Variants in SDK1 observed in about 807,000 individuals in gnomAD.
SDK1 encodes the protein protein sidekick-1.
Under a neutral mutation model 245.5 loss-of-function variants are expected in SDK1, and 157 were observed. The observed-to-expected ratio is 0.64, with a 90% confidence interval of 0.56 to 0.73. The LOEUF is 0.73. SDK1 is among the 30% of genes least tolerant of loss of function. SDK1 has a pLI of 0.00. For synonymous variants in SDK1, 1,647 were observed against 1,278.5 expected (o/e 1.29, Z -6.15); for missense variants, 3,583 against 3,002.3 (o/e 1.19, Z -4.52).
rs777543345 is a variant in SDK1, at chr7:4,245,719, G to A, written c.6295G>A (p.Glu2099Lys). The change falls in exon 44 of 45, where the codon GAG becomes AAG. Residue 2099 changes from glutamate to lysine, a missense_variant. Transcript: ENST00000404826. ...PSPGGLHYSD[E>K]DICNKYNGAV... Reference sequence around the variant, plus strand: ...CCCCGGCGGCCTGCACTACTCAGACGAGGACATCTGCAACAAGTACAACGG... The same window carrying A: ...CCCCGGCGGCCTGCACTACTCAGACAAGGACATCTGCAACAAGTACAACGG... 5.6e-6 allele frequency: 9 copies of A among 1,614,066 alleles called. No homozygotes were observed. Among genetic ancestry groups the A allele is most frequent in the South Asian group, 3.3e-5 (3 of 91,084 alleles).
intron 22 of SDK1, among the ~76,000 whole-genome samples, chr7:4,088,091 C>T (rs1781542086): frequency 6.6e-6 from 1 of 152,150 alleles, no homozygotes. Context: ...GTTGGATTAC[C>T]TGCCGAGGTC....
At chr7:3,393,073 C>T (rs537262520) in intron 1 of SDK1, among the ~76,000 whole-genome samples, 80 of 141,576 alleles carry the variant, frequency 5.7e-4, no homozygotes, top group African/African-American at 1.9e-3. Flanking sequence ...TAGGTTCAAG[C>T]GATTGTCCTG....
At chr7:3,967,500 T>C in intron 10 of SDK1, 66 bp downstream of exon 10, 1 of 939,060 alleles carries the variant, frequency 1.1e-6, no homozygotes, top group African/African-American at 1.6e-5. Flanking sequence ...GGCCAGTGCT[T>C]GCTTCTTATT....
chr7:3,871,370 A>T (rs1780951906), intron 5 of SDK1, among the ~76,000 whole-genome samples: 1 of 152,136 alleles, frequency 6.6e-6, no homozygotes, highest in African/African-American at 2.4e-5. Context: ...GAATAGAGAG[A>T]ATTGTATTTC....
intron 4 of SDK1, among the ~76,000 whole-genome samples, chr7:3,805,729 C>T (rs1041234727): frequency 2.6e-5 from 4 of 152,044 alleles, no homozygotes; most frequent in Non-Finnish European, 5.9e-5. Context: ...ACATCTAGTG[C>T]TAGTCTTTGC....
intron 1 of SDK1, among the ~76,000 whole-genome samples, chr7:3,552,450 G>GT (rs1267336940): frequency 6.6e-6 from 1 of 152,130 alleles, no homozygotes; most frequent in African/African-American, 2.4e-5. Context: ...GAGGCTACTA[G>GT]TTTCTCACCT....
At chr7:3,678,463 C>G (rs1783977790) in intron 4 of SDK1, among the ~76,000 whole-genome samples, 1 of 152,206 alleles carries the variant, frequency 6.6e-6, no homozygotes, top group Non-Finnish European at 1.5e-5. Context: ...TTGAAAAATG[C>G]TGCATCACGT....
At chr7:3,713,173 A>T (rs895141245) in intron 4 of SDK1, among the ~76,000 whole-genome samples, 2 of 152,208 alleles carry the variant, frequency 1.3e-5, no homozygotes, top group African/African-American at 4.8e-5. Flanking sequence ...CACTTCCTTC[A>T]AAGCTGAGTC....
chr7:3,867,917 T>G (rs1252355725), intron 5 of SDK1, among the ~76,000 whole-genome samples: 2 of 152,160 alleles, frequency 1.3e-5, no homozygotes, highest in African/African-American at 4.8e-5. Context: ...AAGAAATAAA[T>G]ATCATTTCTG....
At chr7:3,502,774 A>G (rs1245601240) in intron 1 of SDK1, among the ~76,000 whole-genome samples, 1 of 152,204 alleles carries the variant, frequency 6.6e-6, no homozygotes, top group Admixed American at 6.5e-5. Flanking sequence ...AGGCTAATTA[A>G]CAACACATTT....
intron 32 of SDK1, among the ~76,000 whole-genome samples, chr7:4,167,104 A>C (rs1311570011): frequency 6.6e-6 from 1 of 152,136 alleles, no homozygotes; most frequent in Non-Finnish European, 1.5e-5. Context: ...GGTCATTTGC[A>C]TTTAAACAGG....
intron 17 of SDK1, among the ~76,000 whole-genome samples, chr7:4,023,846 G>A (rs1350534919): frequency 6.6e-6 from 1 of 152,226 alleles, no homozygotes; most frequent in Non-Finnish European, 1.5e-5. Flanking sequence ...GAAGTTTTCA[G>A]GTGAACCTGA....
Position 3,443,532 on chromosome 7 carries a change from T to C in SDK1, c.298+141648T>C, listed in dbSNP as rs977082705. Among the ~76,000 whole-genome samples the C allele has an allele frequency of 4.6e-5, 7 of 152,194 alleles. No individual in the cohort carries two copies. The East Asian group carries it at 1.3e-3, about 29-fold the overall frequency. On this transcript the variant is annotated intron_variant, in intron 1 of 44. Coordinates refer to ENST00000404826, the MANE Select transcript of SDK1 (RefSeq NM_152744.4). The stretch of plus-strand genomic sequence containing the variant: ...GATGTGATCTGATTTTGTCACTAAC[T>C]GCTTATTAATGAAGGAGATGATGAC...
At chr7:3,637,987 T>C (rs183029741) in intron 2 of SDK1, among the ~76,000 whole-genome samples, 52 of 152,372 alleles carry the variant, frequency 3.4e-4, no homozygotes, top group Non-Finnish European at 6.3e-4. Context: ...TTGCCAGTTC[T>C]AGGAATCTTT....
chr7:3,601,107 T>A (rs1044604334), intron 1 of SDK1, among the ~76,000 whole-genome samples: 4 of 152,194 alleles, frequency 2.6e-5, no homozygotes, highest in African/African-American at 9.6e-5. Context: ...TTTAATACAT[T>A]ACTGGATTTC....
At chr7:4,105,707 C>A (rs1403233947) in intron 22 of SDK1, among the ~76,000 whole-genome samples, 1 of 152,212 alleles carries the variant, frequency 6.6e-6, no homozygotes, top group Non-Finnish European at 1.5e-5. Flanking sequence ...TAGATTCTGG[C>A]AGCCTGGCAG....
intron 1 of SDK1, among the ~76,000 whole-genome samples, chr7:3,537,955 C>A (rs974432782): frequency 6.6e-6 from 1 of 152,174 alleles, no homozygotes; most frequent in Non-Finnish European, 1.5e-5. Flanking sequence ...CAGTGCTCCT[C>A]CAGGGTGGAG....
intron 8 of SDK1, among the ~76,000 whole-genome samples, chr7:3,960,055 T>G (rs1431112253): frequency 3.3e-5 from 5 of 152,236 alleles, no homozygotes; most frequent in African/African-American, 1.2e-4. Flanking sequence ...GTCCTAAGGA[T>G]AGTATTTTCT....
At position 4,149,703 on chromosome 7, in the gene SDK1, G is replaced by A. The variant is rs977187370; in HGVS notation, c.4625+240G>A. ...TCTGCTCTTCCAGGTGTGCAGGGCT[G>A]GTTTGGTCACCCCAGGACCCAGGGA... is the stretch of plus-strand genomic sequence containing the variant. On this transcript the variant is annotated intron_variant, in intron 30 of 44. Transcript: ENST00000404826. 5.9e-5 allele frequency among the ~76,000 whole-genome samples: 9 copies of A among 152,184 alleles called. 1 individual carries two copies. Among genetic ancestry groups the A allele is most frequent in the Admixed American group, 2.0e-4 (3 of 15,284 alleles).
Sources: allele counts gnomAD v4.1 joint callset (sites outside exome capture counted in the v4.1 genomes callset), GRCh38; gene constraint gnomAD v4.1.1; transcripts MANE v1.5; gene names NCBI Gene and HGNC (gene_info 2026-07-23, HGNC 2026-07-21).